The following UBXN2A variants were observed in gnomAD, a reference collection of about 807,000 sequenced individuals.
UBXN2A encodes the protein UBX domain-containing protein 2A.
UBXN2A carries 28 observed loss-of-function variants against 28.4 expected under a neutral mutation model. The observed-to-expected ratio is 0.99, with a 90% CI of 0.73 to 1.35. The LOEUF is 1.35. UBXN2A is among the 40% of genes most tolerant of loss of function. The pLI is 0.00. For synonymous variants in UBXN2A, 97 were observed against 103.6 expected (o/e 0.94, Z 0.39); for missense variants, 253 against 297.9 (o/e 0.85, Z 1.11).
At chr2:23,999,291 T>C (rs1469803513) in intron 6 of UBXN2A, among the ~76,000 whole-genome samples, 1 of 152,218 alleles carries the variant, frequency 6.6e-6, no homozygotes, top group Non-Finnish European at 1.5e-5. Context: ...TTAACAGTAG[T>C]AATTCATAGT....
upstream of UBXN2A, among the ~76,000 whole-genome samples, chr2:23,938,578 A>G (rs543926682): frequency 1.3e-5 from 2 of 148,380 alleles, no homozygotes; most frequent in Non-Finnish European, 1.5e-5. Context: ...TTTAACAGCA[A>G]TGGAAAAGCT....
At chr2:23,941,994 C>G (rs1226730552) in intron 1 of UBXN2A, among the ~76,000 whole-genome samples, 4 of 152,150 alleles carry the variant, frequency 2.6e-5, no homozygotes, top group South Asian at 2.1e-4. Context: ...AGGAGAATAG[C>G]TTGAGCCGGC....
chr2:23,956,640 A>G (rs1706642254), intron 1 of UBXN2A, among the ~76,000 whole-genome samples: 1 of 152,216 alleles, frequency 6.6e-6, no homozygotes, highest in Non-Finnish European at 1.5e-5. Flanking sequence ...GACGTGAGCC[A>G]CCACACCTGG....
chr2:23,980,919 GC>G lies in UBXN2A; in HGVS notation c.288-1976del, dbSNP rs375269726. On this transcript the variant is annotated intron_variant, in intron 4 of 6. Coordinates refer to ENST00000309033, the MANE Select transcript of UBXN2A (RefSeq NM_181713.4). ...TGGGATTACAGGCATGAGCCACCGT[GC>G]TCAGCCTGTTTATATTTTCAGGTGG... 3.6e-3 allele frequency among the ~76,000 whole-genome samples: 554 copies of G among 152,230 alleles called. 3 individuals carry two copies. The highest frequency in any genetic ancestry group is 8.3e-3 in the Admixed American group (127 of 15,262).
At chr2:23,934,163 A>G (rs1002671552) in intron 1 of UBXN2A, among the ~76,000 whole-genome samples, 21 of 150,678 alleles carry the variant, frequency 1.4e-4, no homozygotes, top group African/African-American at 5.1e-4. Context: ...TTGCAGTGAG[A>G]TCGCACCACT....
intron 1 of UBXN2A, among the ~76,000 whole-genome samples, chr2:23,951,452 A>ATATC (rs1558283361): frequency 2.7e-5 from 2 of 73,726 alleles, no homozygotes; most frequent in Non-Finnish European, 5.5e-5. Context: ...ATATATATAT[A>ATATC]TATATATATA....
At chr2:23,977,848 C>G (rs1285770074) in intron 4 of UBXN2A, among the ~76,000 whole-genome samples, 1 of 151,014 alleles carries the variant, frequency 6.6e-6, no homozygotes, top group African/African-American at 2.4e-5. Flanking sequence ...TTTTTTTTTC[C>G]CGAGATGGAG....
intron 2 of UBXN2A, among the ~76,000 whole-genome samples, chr2:23,961,784 G>A (rs1706932935): frequency 6.6e-6 from 1 of 151,026 alleles, no homozygotes; most frequent in African/African-American, 2.4e-5. Context: ...TTGACGTCAT[G>A]ATCTGCCTGC....
intron 4 of UBXN2A, among the ~76,000 whole-genome samples, chr2:23,982,370 A>C (rs1707947776): frequency 6.6e-6 from 1 of 152,120 alleles, no homozygotes; most frequent in Non-Finnish European, 1.5e-5. Context: ...CCGTCTCAAA[A>C]AAAAAAAAAA....
rs370714364 is a variant in UBXN2A, at chr2:23,971,127, A to G, written c.42-149A>G. 6.1e-6 allele frequency: 5 copies of G among 815,078 alleles called. No homozygotes were observed. In the East Asian group the frequency reaches 1.1e-4, roughly 18 times the overall value. 50.5% of individuals were successfully genotyped at this position (815,078 alleles called of 1,614,324 possible). ...GCTCTGGACTAAAAAGGGGTTAATG[A>G]CTTCCCCAAGGTTATATTAACTTAG... is the stretch of plus-strand genomic sequence containing the variant. On this transcript the variant is annotated intron_variant, in intron 2 of 6. Coordinates refer to ENST00000309033, the MANE Select transcript of UBXN2A (RefSeq NM_181713.4).
rs1362630529 is a variant in UBXN2A at position 24,000,411 on chromosome 2, G to A, written c.*544G>A. 1 of 152,392 alleles carries A rather than the reference G, an allele frequency of 6.6e-6. No homozygotes were observed. The highest frequency in any genetic ancestry group is 1.5e-5 in the Non-Finnish European group (1 of 68,256). 9.4% of individuals were successfully genotyped at this position (152,392 alleles called of 1,614,324 possible). ...ACAAAAATTAGCTGGGCGTGGCGGT[G>A]CGCAACTGTAGTCCCAGCTACTCGG... On this transcript the variant is annotated 3_prime_UTR_variant, in exon 7 of 7. Transcript: ENST00000309033.
chr2:23,965,856 G>A (rs1029121246), intron 2 of UBXN2A, among the ~76,000 whole-genome samples: 1 of 152,124 alleles, frequency 6.6e-6, no homozygotes, highest in Non-Finnish European at 1.5e-5. Flanking sequence ...TTCTGTTTCG[G>A]AAGGTTATAT....
At chr2:23,945,041 G>T (rs1705991352) in intron 1 of UBXN2A, among the ~76,000 whole-genome samples, 1 of 151,978 alleles carries the variant, frequency 6.6e-6, no homozygotes, top group Non-Finnish European at 1.5e-5. Flanking sequence ...TCCAAGTCAT[G>T]TACCACTTTT....
chr2:23,978,724 G>A (rs1472805457), intron 4 of UBXN2A, among the ~76,000 whole-genome samples: 1 of 152,174 alleles, frequency 6.6e-6, no homozygotes, highest in African/African-American at 2.4e-5. Flanking sequence ...AGCACTTTGG[G>A]AGGCGGAGGC....
intron 1 of UBXN2A, 68 bp from the exon 2 acceptor site, chr2:23,958,233 A>G (rs1170914082): frequency 4.6e-6 from 6 of 1,303,384 alleles, no homozygotes; most frequent in African/African-American, 4.5e-5. Flanking sequence ...CTTTAGGACT[A>G]CATGGTAACT....
intron 6 of UBXN2A, among the ~76,000 whole-genome samples, chr2:23,995,711 A>G (rs564526491): frequency 1.4e-5 from 2 of 147,478 alleles, no homozygotes; most frequent in Non-Finnish European, 3.0e-5. Context: ...AAAAGAAAAG[A>G]AAAAAAAAAG....
At chr2:23,993,787 A>G (rs1708437578) in intron 6 of UBXN2A, among the ~76,000 whole-genome samples, 2 of 151,186 alleles carry the variant, frequency 1.3e-5, no homozygotes, top group African/African-American at 4.9e-5. Context: ...TCCCTGGTTC[A>G]AGCAATTCTC....
chr2:23,999,626 T>C (rs1379501679), intron 6 of UBXN2A, 46 bp from the exon 7 acceptor site: 5 of 1,559,444 alleles, frequency 3.2e-6, no homozygotes, highest in Non-Finnish European at 3.5e-6. Flanking sequence ...AATTAGGTAA[T>C]TCAAATTTTC....
intron 2 of UBXN2A, 52 bp downstream of exon 2, chr2:23,958,407 C>A: frequency 1.3e-6 from 2 of 1,512,588 alleles, no homozygotes. Flanking sequence ...TAATATCGTC[C>A]TGTATTTTTA....
Sources: gnomAD v4.1 joint callset for allele counts (sites outside exome capture counted in the v4.1 genomes callset) on GRCh38, gnomAD v4.1.1 for gene constraint, MANE v1.5 for transcripts, NCBI Gene and HGNC (gene_info 2026-07-23, HGNC 2026-07-21) for gene names.